Variants in UQCC1 observed in about 807,000 individuals in gnomAD.
The protein encoded by UQCC1 is ubiquinol-cytochrome c reductase complex assembly factor 1, also known as bFGF-repressed Zic-binding protein.
UQCC1 carries 38 observed loss-of-function variants against 48.0 expected under a neutral mutation model. The ratio of observed to expected loss-of-function variants is 0.79; its 90% CI spans 0.61 to 1.04. UQCC1 has a LOEUF of 1.04. Among genes scored for constraint, UQCC1 ranks in the 50% least tolerant of loss-of-function variants. The probability of loss-of-function intolerance (pLI) is 0.00; values close to 1 mark genes in which losing one functional copy is unlikely to be tolerated. For synonymous variants in UQCC1, 111 were observed against 129.2 expected, an observed-to-expected ratio of 0.86 and a Z score of 0.95; for missense variants, 368 against 381.8, an observed-to-expected ratio of 0.96 and a Z score of 0.30.
intron 6 of UQCC1, among the ~76,000 whole-genome samples, chr20:35,360,701 C>T (rs1434316812): frequency 1.3e-5 from 2 of 152,136 alleles, no homozygotes; most frequent in African/African-American, 2.4e-5. Context: ...CCCCTTCCCC[C>T]GTGATCCCAT....
intron 6 of UQCC1, among the ~76,000 whole-genome samples, chr20:35,357,671 C>CA (rs386365644): frequency 0.58 from 59,510 of 103,112 alleles, 15,875 homozygotes; most frequent in East Asian, 0.69. Context: ...GACCTTGTCT[C>CA]AAAAAAAAAA....
intron 9 of UQCC1, 70 bp from the exon 10 acceptor site, chr20:35,304,139 C>G (rs2060902163): frequency 8.8e-6 from 14 of 1,599,876 alleles, no homozygotes; most frequent in Non-Finnish European, 1.2e-5. Flanking sequence ...GCGTCAGGAA[C>G]CAGCCTCCCA....
chr20:35,319,936 GT>G lies in UQCC1; in HGVS notation c.574-5172del, dbSNP rs377394714. On this transcript the variant is annotated intron_variant, in intron 7 of 9. Coordinates refer to ENST00000374385, the MANE Select transcript of UQCC1 (RefSeq NM_018244.5). ...GATACAGGGACTGATGGGAGATCAA[GT>G]TTTAACTCCTCCATGGACTCTACAA... is the stretch of plus-strand genomic sequence containing the variant. 5.6e-3 allele frequency among the ~76,000 whole-genome samples: 856 copies of G among 152,318 alleles called. 5 individuals are homozygous for G. The highest frequency in any genetic ancestry group is 8.9e-3 in the Non-Finnish European group (604 of 68,026).
chr20:35,362,388 C>T (rs959521467), intron 6 of UQCC1, among the ~76,000 whole-genome samples: 1 of 152,132 alleles, frequency 6.6e-6, no homozygotes, highest in South Asian at 2.1e-4. Context: ...GATGAAGTCT[C>T]GCTCTGTCGT....
chr20:35,369,257 C>G (rs1479446256), intron 5 of UQCC1, among the ~76,000 whole-genome samples: 1 of 152,210 alleles, frequency 6.6e-6, no homozygotes, highest in African/African-American at 2.4e-5. Context: ...GATTGAGTCC[C>G]TATACACACT....
At chr20:35,352,815 T>C (rs781481154) in intron 6 of UQCC1, among the ~76,000 whole-genome samples, 58 of 152,146 alleles carry the variant, frequency 3.8e-4, no homozygotes, top group Admixed American at 7.2e-4. Context: ...CCTAAGTAGC[T>C]AGGACTACGG....
chr20:35,319,515 A>T (rs2061098910), intron 7 of UQCC1, among the ~76,000 whole-genome samples: 3 of 152,220 alleles, frequency 2.0e-5, no homozygotes, highest in African/African-American at 7.2e-5. Flanking sequence ...TACCTTAAGG[A>T]TTACTTAACA....
chr20:35,366,101 T>C (rs376112293), intron 6 of UQCC1, among the ~76,000 whole-genome samples: 42 of 152,358 alleles, frequency 2.8e-4, no homozygotes, highest in Admixed American at 9.8e-4. Flanking sequence ...GCAACAAACC[T>C]GGCATGAAGC....
chr20:35,345,055 A>G (rs1299310394), intron 7 of UQCC1: 1 of 152,278 alleles, frequency 6.6e-6, no homozygotes, highest in Non-Finnish European at 1.5e-5. Flanking sequence ...GCACACCAGG[A>G]AAGGTATGGA....
intron 1 of UQCC1, among the ~76,000 whole-genome samples, chr20:35,403,032 A>T (rs1406807023): frequency 6.6e-6 from 1 of 151,016 alleles, no homozygotes; most frequent in Non-Finnish European, 1.5e-5. Context: ...GCGCCATTGC[A>T]CTCCAGCCTA....
intron 6 of UQCC1, among the ~76,000 whole-genome samples, chr20:35,364,375 C>T (rs1189690279): frequency 1.3e-5 from 2 of 152,178 alleles, no homozygotes; most frequent in Non-Finnish European, 2.9e-5. Flanking sequence ...GGCAATCGTG[C>T]TTTATGTCTG....
chr20:35,323,363 T>TA (rs2061153679), intron 7 of UQCC1, among the ~76,000 whole-genome samples: 1 of 151,978 alleles, frequency 6.6e-6, no homozygotes, highest in Non-Finnish European at 1.5e-5. Flanking sequence ...TATATCAAAA[T>TA]AAAAAAATAA....
At chr20:35,375,833 A>G (rs1458932752) in intron 4 of UQCC1, among the ~76,000 whole-genome samples, 1 of 150,182 alleles carries the variant, frequency 6.7e-6, no homozygotes, top group African/African-American at 2.4e-5. Flanking sequence ...GTGTGCCTAT[A>G]GTACCAGCTA....
chr20:35,357,845 T>C (rs2061563942), intron 6 of UQCC1, among the ~76,000 whole-genome samples: 1 of 152,136 alleles, frequency 6.6e-6, no homozygotes, highest in African/African-American at 2.4e-5. Flanking sequence ...AAGTAAGCTA[T>C]TTCACAATAC....
chr20:35,341,178 G>A (rs1258493276), intron 7 of UQCC1, among the ~76,000 whole-genome samples: 3 of 145,442 alleles, frequency 2.1e-5, no homozygotes, highest in Non-Finnish European at 4.5e-5. Context: ...CCAAGGTCGC[G>A]CCACTGTACT....
intron 6 of UQCC1, among the ~76,000 whole-genome samples, chr20:35,350,806 C>A (rs1380493046): frequency 6.6e-6 from 1 of 151,796 alleles, no homozygotes; most frequent in African/African-American, 2.4e-5. Context: ...TTTGGGAGGC[C>A]GAGGTGGGTG....
intron 7 of UQCC1, among the ~76,000 whole-genome samples, chr20:35,335,213 C>G (rs903370455): frequency 6.6e-6 from 1 of 152,132 alleles, no homozygotes; most frequent in Non-Finnish European, 1.5e-5. Flanking sequence ...AAAAAGTTTA[C>G]ATAGTGTCAC....
chr20:35,364,117 T>G (rs982278253), intron 6 of UQCC1, among the ~76,000 whole-genome samples: 3 of 152,158 alleles, frequency 2.0e-5, no homozygotes, highest in Non-Finnish European at 4.4e-5. Context: ...CCTCAAATAC[T>G]CCATGTTCTT....
chr20:35,390,913 A>G (rs187543541), intron 2 of UQCC1, among the ~76,000 whole-genome samples: 1 of 152,294 alleles, frequency 6.6e-6, no homozygotes, highest in East Asian at 1.9e-4. Context: ...CGGGCTTTCT[A>G]TATTATAGGT....
Sources: gnomAD v4.1 joint callset for allele counts (sites outside exome capture counted in the v4.1 genomes callset) on GRCh38, gnomAD v4.1.1 for gene constraint, MANE v1.5 for transcripts, NCBI Gene and HGNC (gene_info 2026-07-23, HGNC 2026-07-21) for gene names.